The following SCN11A variants were observed in gnomAD, a reference collection of about 807,000 sequenced individuals.
The protein encoded by SCN11A is sodium channel protein type 11 subunit alpha.
In SCN11A, 122 loss-of-function variants were observed where a neutral mutation model predicts 162.2. The observed-to-expected ratio is 0.75, with a 90% confidence interval of 0.65 to 0.87. The LOEUF (loss-of-function observed/expected upper bound fraction) is 0.87, where lower values mean the gene tolerates loss of function less well. SCN11A is among the 40% of genes least tolerant of loss of function. SCN11A has a pLI of 0.00. For synonymous variants in SCN11A, 758 were observed against 751.5 expected, an observed-to-expected ratio of 1.01 and a Z score of -0.14; for missense variants, 2,015 against 2,181.6, an observed-to-expected ratio of 0.92 and a Z score of 1.52.
Position 38,896,882 on chromosome 3 carries a change from A to G in SCN11A, c.2366T>C (p.Ile789Thr). The G allele has an allele frequency of 6.2e-7, 1 of 1,611,878 alleles. No individual in the cohort carries two copies. The highest frequency in any genetic ancestry group is 8.5e-7 in the Non-Finnish European group (1 of 1,178,488). The change falls in exon 18 of 30, where the codon ATT becomes ACT. Residue 789 changes from isoleucine to threonine, a missense_variant. Coordinates refer to ENST00000302328, the MANE Select transcript of SCN11A (RefSeq NM_001349253.2). ...TATCACCGTGATCAATATGAAGACA[A>G]TAACACACAATGATGATGATGCATT... ...EANASSSLCV[I>T]VFILITVIGK...
At chr3:38,910,004 G>A (rs1218406948) in intron 12 of SCN11A, 62 bp downstream of exon 12, 1 of 1,494,544 alleles carries the variant, frequency 6.7e-7, no homozygotes, top group Non-Finnish European at 9.2e-7. Context: ...GTAAGTGATA[G>A]AGGGGGAAGG....
At chr3:38,936,671 G>A (rs1386149710) in intron 7 of SCN11A, among the ~76,000 whole-genome samples, 1 of 151,936 alleles carries the variant, frequency 6.6e-6, no homozygotes, top group Non-Finnish European at 1.5e-5. Context: ...CAAGGGACGT[G>A]AAGGACCTCT....
At chr3:39,005,562 G>T (rs941589285) in intron 2 of SCN11A, among the ~76,000 whole-genome samples, 5 of 152,228 alleles carry the variant, frequency 3.3e-5, no homozygotes, top group Non-Finnish European at 4.4e-5. Context: ...GGCTCAAAGT[G>T]CCCATTTACA....
chr3:39,012,460 T>TTCTTTCTCCCTCTCTTTCTC (rs2031171386), intron 2 of SCN11A, among the ~76,000 whole-genome samples: 1 of 151,014 alleles, frequency 6.6e-6, no homozygotes, highest in Non-Finnish European at 1.5e-5. Flanking sequence ...CTCTCTTTCT[T>TTCTTTCTCCCTCTCTTTCTC]TCTTTCTCTC....
intron 23 of SCN11A, among the ~76,000 whole-genome samples, chr3:38,875,342 C>T (rs1411049611): frequency 1.3e-5 from 2 of 152,030 alleles, no homozygotes; most frequent in Non-Finnish European, 2.9e-5. Flanking sequence ...CTTCTTTTGT[C>T]TATTCTTTGT....
chr3:39,037,740 A>G (rs2031943135), intron 1 of SCN11A, among the ~76,000 whole-genome samples: 1 of 152,194 alleles, frequency 6.6e-6, no homozygotes, highest in Non-Finnish European at 1.5e-5. Context: ...GTATCAGAGG[A>G]GGTCCTGGAA....
intron 7 of SCN11A, among the ~76,000 whole-genome samples, chr3:38,938,371 A>C (rs933423629): frequency 6.6e-5 from 10 of 151,176 alleles, no homozygotes; most frequent in African/African-American, 1.7e-4. Context: ...CCTAAAACTT[A>C]AAGTATAATA....
intron 2 of SCN11A, among the ~76,000 whole-genome samples, chr3:38,992,867 T>G (rs554069347): frequency 3.9e-5 from 6 of 152,302 alleles, no homozygotes; most frequent in African/African-American, 1.4e-4. Flanking sequence ...CTTTCCCTCT[T>G]CCATTTTGCT....
intron 2 of SCN11A, among the ~76,000 whole-genome samples, chr3:38,980,664 T>C (rs2029996813): frequency 6.6e-6 from 1 of 152,178 alleles, no homozygotes; most frequent in African/African-American, 2.4e-5. Flanking sequence ...CTGGGGGCTT[T>C]TTGGGTTTTC....
chr3:39,042,614 G>A (rs1448102399), intron 1 of SCN11A, among the ~76,000 whole-genome samples: 1 of 151,992 alleles, frequency 6.6e-6, no homozygotes, highest in Non-Finnish European at 1.5e-5. Flanking sequence ...GAACATATAA[G>A]GAGCTTAAAC....
At chr3:39,035,788 C>T (rs965886686) in intron 1 of SCN11A, among the ~76,000 whole-genome samples, 23 of 152,148 alleles carry the variant, frequency 1.5e-4, no homozygotes, top group African/African-American at 5.1e-4. Context: ...TACAGGCACC[C>T]GCCACCACGC....
rs28722163 is a variant in SCN11A at position 38,875,299 on chromosome 3, T to C, written c.3394-3005A>G. Reference sequence around the variant, plus strand: ...TTCTATTCATTTATTATCAATATTATGTTTATCTCATTAAATAAATTTGCA... The same window carrying C: ...TTCTATTCATTTATTATCAATATTACGTTTATCTCATTAAATAAATTTGCA... On this transcript the variant is annotated intron_variant, in intron 23 of 29. Coordinates refer to ENST00000302328, the MANE Select transcript of SCN11A (RefSeq NM_001349253.2). Among the ~76,000 whole-genome samples the C allele has an allele frequency of 2.6e-3, 403 of 152,346 alleles. 1 individual carries two copies. Among genetic ancestry groups the C allele is most frequent in the African/African-American group, 9.2e-3 (383 of 41,592 alleles).
chr3:38,989,206 C>T (rs556189840), intron 2 of SCN11A, among the ~76,000 whole-genome samples: 2 of 152,308 alleles, frequency 1.3e-5, no homozygotes, highest in African/African-American at 4.8e-5. Context: ...GTTGAGCATC[C>T]ACCTAGCAGC....
intron 1 of SCN11A, among the ~76,000 whole-genome samples, chr3:39,036,138 C>T (rs2031899704): frequency 6.6e-6 from 1 of 151,902 alleles, no homozygotes; most frequent in African/African-American, 2.4e-5. Flanking sequence ...CTGCACTCAG[C>T]AGATTTCTTT....
chr3:39,040,748 A>G (rs2032029485), intron 1 of SCN11A, among the ~76,000 whole-genome samples: 1 of 152,232 alleles, frequency 6.6e-6, no homozygotes, highest in African/African-American at 2.4e-5. Context: ...AAAAAATACA[A>G]TAGAGAGCTT....
intron 4 of SCN11A, among the ~76,000 whole-genome samples, 79 bp downstream of exon 4, chr3:38,953,550 C>A (rs1433669782): frequency 6.6e-6 from 1 of 152,042 alleles, no homozygotes; most frequent in African/African-American, 2.4e-5. Flanking sequence ...GATCTAATGA[C>A]ATGCATGGAT....
At chr3:38,950,977 T>C (rs1385953471) in intron 4 of SCN11A, among the ~76,000 whole-genome samples, 1 of 152,168 alleles carries the variant, frequency 6.6e-6, no homozygotes, top group Non-Finnish European at 1.5e-5. Context: ...AAGTGAGAGG[T>C]GACAGCGTGC....
At chr3:38,893,584 T>C (rs2065536405) in intron 19 of SCN11A, among the ~76,000 whole-genome samples, 1 of 152,160 alleles carries the variant, frequency 6.6e-6, no homozygotes, top group Admixed American at 6.5e-5. Context: ...CAGGTACACA[T>C]GGAACATTTC....
At chr3:38,950,812 T>C (rs2066601709) in intron 4 of SCN11A, among the ~76,000 whole-genome samples, 1 of 152,204 alleles carries the variant, frequency 6.6e-6, no homozygotes, top group African/African-American at 2.4e-5. Context: ...AGTTATGGAT[T>C]GCAAAAGCAA....
Sources: gnomAD v4.1 joint callset for allele counts (sites outside exome capture counted in the v4.1 genomes callset) on GRCh38, gnomAD v4.1.1 for gene constraint, MANE v1.5 for transcripts, NCBI Gene and HGNC (gene_info 2026-07-23, HGNC 2026-07-21) for gene names.